The following GOLM2 variants were observed in gnomAD, a reference collection of about 807,000 sequenced individuals.
GOLM2 encodes the protein golgi membrane protein 2, also known as protein GOLM2.
A neutral mutation model predicts 55.9 loss-of-function variants in GOLM2; 26 were observed. The ratio of observed to expected loss-of-function variants is 0.47; its 90% CI spans 0.34 to 0.65. The LOEUF (loss-of-function observed/expected upper bound fraction) is 0.65. GOLM2 is among the 30% of genes least tolerant of loss of function. The pLI is 0.01. For missense variants in GOLM2, 486 were observed against 531.8 expected (o/e 0.91, Z 0.85); for synonymous variants, 165 against 194.6 (o/e 0.85, Z 1.27).
chr15:44,404,568 T>G (rs994968248), intron 9 of GOLM2, among the ~76,000 whole-genome samples: 3 of 152,168 alleles, frequency 2.0e-5, no homozygotes, highest in African/African-American at 7.2e-5. Flanking sequence ...TTTTATCATT[T>G]TTTCTCATTG....
At chr15:44,369,094 T>C (rs1444428813) in intron 6 of GOLM2, among the ~76,000 whole-genome samples, 8 of 90,596 alleles carry the variant, frequency 8.8e-5, no homozygotes, top group African/African-American at 2.9e-4. Flanking sequence ...TATATATATA[T>C]ATATATATAT....
In GOLM2 at chr15:44,332,999, C is replaced by T. The variant is rs185511641; in HGVS notation, c.576+921C>T. ...CCCAGCTAGAGTGCAGTGGCGTGATCTCGGCTCACTGCCAGCCCCGCCTCC... is the reference window on the plus strand; with the variant it reads ...CCCAGCTAGAGTGCAGTGGCGTGATTTCGGCTCACTGCCAGCCCCGCCTCC... On this transcript the variant is annotated intron_variant, in intron 4 of 9. Coordinates refer to ENST00000299957, the MANE Select transcript of GOLM2 (RefSeq NM_138423.4). Among the ~76,000 whole-genome samples, 686 of 152,180 alleles carry T rather than the reference C, an allele frequency of 4.5e-3. 5 individuals carry two copies. The highest frequency in any genetic ancestry group is 0.016 in the African/African-American group (665 of 41,508).
chr15:44,341,205 C>T (rs1208755487), intron 6 of GOLM2, among the ~76,000 whole-genome samples: 1 of 151,414 alleles, frequency 6.6e-6, no homozygotes, highest in African/African-American at 2.4e-5. Context: ...CTCAGCCTCC[C>T]GAGTAGCTGG....
At chr15:44,371,730 G>A (rs1028951279) in intron 6 of GOLM2, among the ~76,000 whole-genome samples, 2 of 152,094 alleles carry the variant, frequency 1.3e-5, no homozygotes, top group Non-Finnish European at 2.9e-5. Flanking sequence ...TATTCATCAG[G>A]ACTCTGAAGT....
chr15:44,317,227 A>T (rs1250775131), intron 1 of GOLM2, among the ~76,000 whole-genome samples: 1 of 148,236 alleles, frequency 6.7e-6, no homozygotes, highest in Non-Finnish European at 1.5e-5. Flanking sequence ...GACAAAAAAA[A>T]TTATCTGGGC....
chr15:44,352,305 A>C (rs1400539242), intron 6 of GOLM2, among the ~76,000 whole-genome samples: 3 of 152,200 alleles, frequency 2.0e-5, no homozygotes, highest in African/African-American at 7.2e-5. Flanking sequence ...AGGTGCCAAG[A>C]ATATGCACTG....
chr15:44,408,122 T>C (rs1372358447), intron 9 of GOLM2, among the ~76,000 whole-genome samples: 1 of 152,220 alleles, frequency 6.6e-6, no homozygotes, highest in African/African-American at 2.4e-5. Flanking sequence ...TAATAAACTA[T>C]GGATATCTTT....
chr15:44,310,134 G>T (rs1030448765), intron 1 of GOLM2, among the ~76,000 whole-genome samples: 1 of 152,002 alleles, frequency 6.6e-6, no homozygotes, highest in Non-Finnish European at 1.5e-5. Context: ...TCTGCTTGCC[G>T]TGGCCTCCCA....
At chr15:44,292,105 C>G (rs1487022293) in intron 1 of GOLM2, among the ~76,000 whole-genome samples, 1 of 151,378 alleles carries the variant, frequency 6.6e-6, no homozygotes, top group Non-Finnish European at 1.5e-5. Context: ...AAGTGTTTGG[C>G]TAATATTTTA....
At chr15:44,294,748 A>C (rs1337071642) in intron 1 of GOLM2, among the ~76,000 whole-genome samples, 1 of 151,264 alleles carries the variant, frequency 6.6e-6, no homozygotes, top group Admixed American at 6.6e-5. Flanking sequence ...CACAAAAAAA[A>C]ACAAAAATTA....
intron 2 of GOLM2, among the ~76,000 whole-genome samples, chr15:44,325,247 C>G (rs1276377058): frequency 2.0e-5 from 3 of 152,128 alleles, no homozygotes; most frequent in African/African-American, 7.2e-5. Flanking sequence ...TGGAAATCAC[C>G]AATTACCTCC....
chr15:44,299,235 G>A (rs1191960455), intron 1 of GOLM2, among the ~76,000 whole-genome samples: 2 of 152,012 alleles, frequency 1.3e-5, no homozygotes, highest in African/African-American at 4.8e-5. Flanking sequence ...ATCAGCCTAG[G>A]AAACAAATAC....
intron 6 of GOLM2, among the ~76,000 whole-genome samples, chr15:44,351,785 G>A (rs968664635): frequency 1.3e-5 from 2 of 151,662 alleles, no homozygotes; most frequent in African/African-American, 2.4e-5. Flanking sequence ...TGCCAACAGC[G>A]AATAATCTGA....
At chr15:44,363,167 G>A (rs1188583181) in intron 6 of GOLM2, among the ~76,000 whole-genome samples, 1 of 152,014 alleles carries the variant, frequency 6.6e-6, no homozygotes, top group African/African-American at 2.4e-5. Context: ...CAAAAGCAAT[G>A]GCAACAAAAG....
At chr15:44,351,264 G>C (rs533489188) in intron 6 of GOLM2, among the ~76,000 whole-genome samples, 1 of 152,026 alleles carries the variant, frequency 6.6e-6, no homozygotes, top group East Asian at 1.9e-4. Context: ...GGAAGTCCTA[G>C]CTAGAGCAAT....
In GOLM2 at chr15:44,415,450, G is replaced by A. The variant is rs2079667395; in HGVS notation, c.*2044G>A. The A allele has an allele frequency of 6.6e-6, 1 of 152,546 alleles. No individual in the cohort carries two copies. The highest frequency in any genetic ancestry group is 1.5e-5 in the Non-Finnish European group (1 of 68,022). 9.4% of individuals were successfully genotyped at this position (152,546 alleles called of 1,614,324 possible). ...CAATCACTTGGTTGGTTGTATTGTAGCTATTACTTATACAGCAACATTTCT... is the reference window on the plus strand; with the variant it reads ...CAATCACTTGGTTGGTTGTATTGTAACTATTACTTATACAGCAACATTTCT... On this transcript the variant is annotated 3_prime_UTR_variant, in exon 10 of 10. Transcript: ENST00000299957.
intron 1 of GOLM2, among the ~76,000 whole-genome samples, chr15:44,294,179 A>G (rs1192894778): frequency 1.3e-5 from 2 of 152,152 alleles, no homozygotes; most frequent in Non-Finnish European, 2.9e-5. Flanking sequence ...ACTTTTTGGT[A>G]CTTTTAGATG....
intron 8 of GOLM2, among the ~76,000 whole-genome samples, chr15:44,400,035 A>G (rs1410180629): frequency 6.6e-6 from 1 of 151,970 alleles, no homozygotes; most frequent in Non-Finnish European, 1.5e-5. Context: ...TTTACTGCCT[A>G]TATTGACATC....
intron 6 of GOLM2, among the ~76,000 whole-genome samples, chr15:44,354,022 A>C (rs1315231410): frequency 6.6e-6 from 1 of 152,172 alleles, no homozygotes; most frequent in East Asian, 1.9e-4. Flanking sequence ...CTGTATCAGA[A>C]TATCTCCTGT....
Sources: gnomAD v4.1 joint callset for allele counts (sites outside exome capture counted in the v4.1 genomes callset) on GRCh38, gnomAD v4.1.1 for gene constraint, MANE v1.5 for transcripts, NCBI Gene and HGNC (gene_info 2026-07-23, HGNC 2026-07-21) for gene names.